The following NTRK2 variants were observed in gnomAD, a reference collection of about 807,000 sequenced individuals.
The protein encoded by NTRK2 is BDNF/NT-3 growth factors receptor.
In NTRK2, 13 loss-of-function variants were observed where a neutral mutation model predicts 94.5. The ratio of observed to expected loss-of-function variants is 0.14; its 90% confidence interval spans 0.09 to 0.22. The LOEUF (loss-of-function observed/expected upper bound fraction) is 0.22, where lower values mean the gene tolerates loss of function less well. Among genes scored for constraint, NTRK2 ranks in the 10% least tolerant of loss-of-function variants. NTRK2 has a pLI of 1.00. For synonymous variants in NTRK2, 372 were observed against 407.4 expected (o/e 0.91, Z 1.05); for missense variants, 639 against 1,071.2 (o/e 0.60, Z 5.63).
At chr9:84,686,833 A>G (rs1564051467) in intron 2 of NTRK2, among the ~76,000 whole-genome samples, 2 of 152,244 alleles carry the variant, frequency 1.3e-5, no homozygotes, top group Non-Finnish European at 2.9e-5. Flanking sequence ...CAACTGATAG[A>G]CATATGAGAT....
At chr9:84,794,083 T>C (rs965887801) in intron 12 of NTRK2, among the ~76,000 whole-genome samples, 1 of 152,216 alleles carries the variant, frequency 6.6e-6, no homozygotes, top group African/African-American at 2.4e-5. Flanking sequence ...AGTTTGGCAG[T>C]GAGGTTTGGG....
intron 12 of NTRK2, among the ~76,000 whole-genome samples, chr9:84,820,735 A>G (rs2072756624): frequency 6.6e-6 from 1 of 152,182 alleles, no homozygotes; most frequent in South Asian, 2.1e-4. Context: ...TCAAGTGTGT[A>G]TGTCGGCCAG....
rs891862353 is a variant in NTRK2, at chr9:84,877,209, T to C, written c.1633+9778T>C. On this transcript the variant is annotated intron_variant, in intron 14 of 18. Coordinates refer to ENST00000277120, the MANE Select transcript of NTRK2 (RefSeq NM_006180.6). ...AGCCAGATTTGAGTCTAATGGCTGA[T>C]TCATCGGCATAGTTCTTGGCGTTAA... 1.1e-5 allele frequency: 12 copies of C among 1,065,240 alleles called. No homozygotes were observed. In the African/African-American group the frequency reaches 1.8e-4, roughly 16 times the overall value. 66.0% of individuals were successfully genotyped at this position (1,065,240 alleles called of 1,614,324 possible).
intron 12 of NTRK2, among the ~76,000 whole-genome samples, chr9:84,756,118 G>A (rs1356202852): frequency 6.6e-6 from 1 of 152,042 alleles, no homozygotes; most frequent in Non-Finnish European, 1.5e-5. Flanking sequence ...ATCTATGTCG[G>A]TATCAATATC....
chr9:84,990,049 G>A (rs1270053783), intron 17 of NTRK2, among the ~76,000 whole-genome samples: 1 of 152,152 alleles, frequency 6.6e-6, no homozygotes, highest in African/African-American at 2.4e-5. Context: ...AGGCAGCACA[G>A]ACGTTATCTA....
intron 12 of NTRK2, among the ~76,000 whole-genome samples, chr9:84,801,979 C>T (rs970938570): frequency 6.6e-6 from 1 of 152,134 alleles, no homozygotes; most frequent in African/African-American, 2.4e-5. Flanking sequence ...TTTTCAAGGC[C>T]TCTTGTTCTT....
chr9:84,789,013 AT>A (rs1201463716), intron 12 of NTRK2, among the ~76,000 whole-genome samples: 2 of 152,202 alleles, frequency 1.3e-5, no homozygotes, highest in Non-Finnish European at 2.9e-5. Flanking sequence ...AGAAAAAGCC[AT>A]TGAGAAATTG....
At chr9:84,795,753 G>A (rs953542418) in intron 12 of NTRK2, among the ~76,000 whole-genome samples, 3 of 151,962 alleles carry the variant, frequency 2.0e-5, no homozygotes, top group Non-Finnish European at 4.4e-5. Flanking sequence ...CTCCTCTCCC[G>A]GACCCCAAAG....
intron 2 of NTRK2, among the ~76,000 whole-genome samples, chr9:84,695,573 C>T (rs1027820751): frequency 5.9e-5 from 9 of 152,094 alleles, no homozygotes; most frequent in Non-Finnish European, 5.9e-5. Flanking sequence ...AGTAAAGGTC[C>T]TGAATGTCAA....
At chr9:84,730,896 T>C (rs1313198010) in intron 9 of NTRK2, among the ~76,000 whole-genome samples, 4 of 151,682 alleles carry the variant, frequency 2.6e-5, no homozygotes, top group Non-Finnish European at 4.4e-5. Context: ...TATTATCATA[T>C]GATAATTGAT....
intron 12 of NTRK2, chr9:84,811,015 T>G (rs2071722867): frequency 9.0e-7 from 1 of 1,108,812 alleles, no homozygotes; most frequent in African/African-American, 1.6e-5. Context: ...CAGGTATAAG[T>G]GCACACTGAA....
Position 84,730,783 on chromosome 9 carries a change from C to CAAAAAAAAAAAAAAAAAAAAAAA in NTRK2, c.1159+2827_1159+2849dup. On this transcript the variant is annotated intron_variant, in intron 9 of 18. Transcript: ENST00000277120. The stretch of plus-strand genomic sequence containing the variant: ...AAACTAAAGAAAAATAAACAAATAG[C>CAAAAAAAAAAAAAAAAAAAAAAA]AAAAAAAAAAAAAAAAAAAAAAAAA... Among the ~76,000 whole-genome samples the CAAAAAAAAAAAAAAAAAAAAAAA allele has an allele frequency of 2.1e-4, 5 of 24,136 alleles. 1 individual carries two copies. The highest frequency in any genetic ancestry group is 3.4e-3 in the East Asian group (2 of 580). 15.8% of individuals were successfully genotyped at this position (24,136 alleles called of 152,430 possible).
At chr9:84,962,968 A>G (rs192989155) in intron 17 of NTRK2, among the ~76,000 whole-genome samples, 4 of 152,368 alleles carry the variant, frequency 2.6e-5, no homozygotes, top group African/African-American at 9.6e-5. Context: ...CTCAAGTGAA[A>G]GGAAGTTCAG....
rs1587735848 is a variant in NTRK2, at chr9:84,865,513, G to A, written c.1445-1730G>A. Among the ~76,000 whole-genome samples, 3 of 152,140 alleles carry A rather than the reference G, an allele frequency of 2.0e-5. No individual in the cohort carries two copies. In the East Asian group the frequency reaches 5.8e-4, roughly 29 times the overall value. ...ATGAGATATTATTATATTTCATAGG[G>A]GATTCAAGACTGGATGACAAAACAA... On this transcript the variant is annotated intron_variant, in intron 13 of 18. Transcript: ENST00000277120.
chr9:84,872,913 C>A, intron 14 of NTRK2: 2 of 1,065,194 alleles, frequency 1.9e-6, no homozygotes, highest in Non-Finnish European at 2.3e-6. Context: ...CAGCCCACTT[C>A]GTCCTTGTCT....
At chr9:84,681,590 T>C (rs1012921043) in intron 2 of NTRK2, among the ~76,000 whole-genome samples, 3 of 152,098 alleles carry the variant, frequency 2.0e-5, no homozygotes, top group African/African-American at 7.2e-5. Flanking sequence ...AAACATCTAA[T>C]AAGTACTTAA....
At chr9:84,945,652 C>T (rs2078574712) in intron 15 of NTRK2, among the ~76,000 whole-genome samples, 1 of 152,166 alleles carries the variant, frequency 6.6e-6, no homozygotes, top group East Asian at 1.9e-4. Flanking sequence ...CTGGGTGGCA[C>T]AGGGGCCATG....
chr9:84,919,758 A>G (rs1452919605), intron 14 of NTRK2, among the ~76,000 whole-genome samples: 2 of 152,176 alleles, frequency 1.3e-5, no homozygotes, highest in African/African-American at 4.8e-5. Flanking sequence ...CCAAATTGCT[A>G]AATAGCAGTG....
intron 14 of NTRK2, among the ~76,000 whole-genome samples, chr9:84,890,871 A>G (rs2076574842): frequency 6.6e-6 from 1 of 152,238 alleles, no homozygotes; most frequent in South Asian, 2.1e-4. Context: ...TGAAGTACTG[A>G]CTGGCAGACA....
Sources: gnomAD v4.1 joint callset for allele counts (sites outside exome capture counted in the v4.1 genomes callset) on GRCh38, gnomAD v4.1.1 for gene constraint, MANE v1.5 for transcripts, NCBI Gene and HGNC (gene_info 2026-07-23, HGNC 2026-07-21) for gene names.